FGF14: variants seen among roughly 807,000 people sequenced by gnomAD.
FGF14 encodes fibroblast growth factor homologous factor 4.
In FGF14, 5 loss-of-function variants were observed where a neutral mutation model predicts 25.5. That is an observed-to-expected ratio of 0.20 (90% confidence interval 0.10 to 0.41). The LOEUF is 0.41. FGF14 is among the 10% of genes least tolerant of loss of function. The probability of loss-of-function intolerance (pLI) is 1.00; values close to 1 mark genes in which losing one functional copy is unlikely to be tolerated. For missense variants in FGF14, 222 were observed against 320.1 expected, an observed-to-expected ratio of 0.69 and a Z score of 2.34; for synonymous variants, 138 against 118.3, an observed-to-expected ratio of 1.17 and a Z score of -1.08.
At chr13:101,957,265 G>C (rs2493596) in intron 1 of FGF14, among the ~76,000 whole-genome samples, 6,940 of 152,148 alleles carry the variant, frequency 0.046, 521 homozygotes, top group African/African-American at 0.16. Flanking sequence ...TTCTTTCAGT[G>C]TAAAGTAAAA....
intron 1 of FGF14, among the ~76,000 whole-genome samples, chr13:101,883,706 T>G (rs547978300): frequency 6.6e-6 from 1 of 152,226 alleles, no homozygotes; most frequent in African/African-American, 2.4e-5. Flanking sequence ...TTAAAAATAC[T>G]AACTCATTTA....
intron 1 of FGF14, among the ~76,000 whole-genome samples, chr13:102,154,902 A>C (rs2047255946): frequency 6.6e-6 from 1 of 152,204 alleles, no homozygotes; most frequent in Admixed American, 6.5e-5. Context: ...AACAAAGATC[A>C]AAAGAGACAA....
In FGF14 at chr13:102,088,504, C is replaced by T. The variant is rs1053657699; in HGVS notation, c.209-213208G>A. 5.9e-5 allele frequency among the ~76,000 whole-genome samples: 9 copies of T among 152,044 alleles called. 1 individual carries two copies. Among genetic ancestry groups the T allele is most frequent in the Non-Finnish European group, 8.8e-5 (6 of 67,966 alleles). On this transcript the variant is annotated intron_variant, in intron 1 of 4. Coordinates refer to the FGF14 transcript ENST00000376131. ...ACACCAAATGCAGTGTTATTTTATT[C>T]ATCAAGATATGGAGTAATATTTAGG...
chr13:102,216,886 A>C (rs2050398183), intron 1 of FGF14, among the ~76,000 whole-genome samples: 2 of 152,208 alleles, frequency 1.3e-5, no homozygotes, highest in African/African-American at 2.4e-5. Flanking sequence ...TAGATTCCAC[A>C]TATGAATGAG....
chr13:102,224,447 GCAC>G (rs2050747171), intron 1 of FGF14, among the ~76,000 whole-genome samples: 1 of 152,088 alleles, frequency 6.6e-6, no homozygotes, highest in Non-Finnish European at 1.5e-5. Context: ...ACTTTTTGGT[GCAC>G]CATCATGTTA....
intron 3 of FGF14, among the ~76,000 whole-genome samples, chr13:101,797,774 T>TGTGC (rs2040632106): frequency 5.4e-5 from 8 of 147,430 alleles, no homozygotes; most frequent in African/African-American, 2.0e-4. Flanking sequence ...TGTGTGTGTG[T>TGTGC]GTGTGTGTTC....
intron 3 of FGF14, among the ~76,000 whole-genome samples, chr13:101,833,163 C>G (rs1365213717): frequency 6.6e-6 from 1 of 151,974 alleles, no homozygotes; most frequent in African/African-American, 2.4e-5. Flanking sequence ...AGTGCATACC[C>G]CATTCTGCAC....
intron 3 of FGF14, among the ~76,000 whole-genome samples, chr13:101,814,149 T>C (rs2041715528): frequency 6.6e-6 from 1 of 152,208 alleles, no homozygotes; most frequent in African/African-American, 2.4e-5. Flanking sequence ...AACAGAAGCA[T>C]CTGCATCACC....
chr13:101,927,404 A>G (rs960194568), intron 1 of FGF14, among the ~76,000 whole-genome samples: 1 of 152,226 alleles, frequency 6.6e-6, no homozygotes, highest in Non-Finnish European at 1.5e-5. Flanking sequence ...TGCACTGGCC[A>G]TGCTCACAGG....
chr13:102,025,585 T>A (rs2040883060), intron 1 of FGF14, among the ~76,000 whole-genome samples: 1 of 151,966 alleles, frequency 6.6e-6, no homozygotes, highest in Non-Finnish European at 1.5e-5. Flanking sequence ...ATTTTTGTAT[T>A]TTCAGTAGAG....
chr13:102,307,768 G>A (rs948476677), intron 1 of FGF14, among the ~76,000 whole-genome samples: 2 of 152,088 alleles, frequency 1.3e-5, no homozygotes, highest in African/African-American at 2.4e-5. Flanking sequence ...TTTTACAGAT[G>A]AGGGAATTGA....
At chr13:101,793,643 A>C (rs2040360710) in intron 3 of FGF14, among the ~76,000 whole-genome samples, 1 of 152,070 alleles carries the variant, frequency 6.6e-6, no homozygotes, top group Non-Finnish European at 1.5e-5. Context: ...TAGTTATTTG[A>C]GGAACCTCCA....
chr13:101,799,075 C>T (rs933433876), intron 3 of FGF14, among the ~76,000 whole-genome samples: 2 of 152,106 alleles, frequency 1.3e-5, no homozygotes, highest in East Asian at 1.9e-4. Flanking sequence ...TTGCTGCATA[C>T]GAATGACTTC....
rs367707894 is a variant in FGF14 at position 101,916,557 on chromosome 13, C to T, written c.89G>A (p.Arg30Gln). 6 of 1,612,810 alleles carry T rather than the reference C, an allele frequency of 3.7e-6. No individual in the cohort carries two copies. Among genetic ancestry groups the T allele is most frequent in the African/African-American group, 1.3e-5 (1 of 74,914 alleles). The change falls in exon 1 of 5, where the codon CGG (arginine) becomes CAG (glutamine). Residue 30 changes from arginine to glutamine, a missense_variant. Arg to Gln is a conservative substitution (Grantham distance 43). This residue lies in a region of FGF14 where 80 missense variants were observed against 72.2 expected (regional missense o/e 1.11). Transcript: ENST00000376143. ...HWDRPSASRR[R>Q]SSPSKNRGLC... ...CCCGCGGTTCTTGCTGGGGCTGCTC[C>T]GCCTCCTGCTGGCAGACGGCCGGTC...
At chr13:102,326,117 A>G (rs554718466) in intron 1 of FGF14, among the ~76,000 whole-genome samples, 1 of 152,328 alleles carries the variant, frequency 6.6e-6, no homozygotes, top group African/African-American at 2.4e-5. Context: ...TTCAAATTTT[A>G]AAGCATAACC....
At chr13:101,982,464 C>T (rs569459526) in intron 1 of FGF14, among the ~76,000 whole-genome samples, 1 of 152,250 alleles carries the variant, frequency 6.6e-6, no homozygotes, top group South Asian at 2.1e-4. Context: ...TTGAATACTG[C>T]CATATTCTAG....
intron 1 of FGF14, among the ~76,000 whole-genome samples, chr13:101,976,731 T>C (rs1481245530): frequency 6.6e-6 from 1 of 152,218 alleles, no homozygotes; most frequent in Non-Finnish European, 1.5e-5. Flanking sequence ...ATCATAGCAA[T>C]TGCCAACAAT....
At chr13:101,946,035 T>C (rs2035782489) in intron 1 of FGF14, among the ~76,000 whole-genome samples, 1 of 152,192 alleles carries the variant, frequency 6.6e-6, no homozygotes, top group South Asian at 2.1e-4. Context: ...TTTTTCAGTC[T>C]CTAAGAAAGA....
chr13:102,234,216 A>C (rs1172154195), intron 1 of FGF14, among the ~76,000 whole-genome samples: 1 of 151,260 alleles, frequency 6.6e-6, no homozygotes, highest in African/African-American at 2.4e-5. Context: ...CCATGGAAAT[A>C]TACGCTTAAA....
Sources: gnomAD v4.1 joint callset for allele counts (sites outside exome capture counted in the v4.1 genomes callset) on GRCh38, gnomAD v4.1.1 for gene constraint, gnomAD v4.1.1 regional missense constraint, MANE v1.5 for transcripts, NCBI Gene and HGNC (gene_info 2026-07-23, HGNC 2026-07-21) for gene names.